DNAH3: variants seen among roughly 807,000 people sequenced by gnomAD.
The protein encoded by DNAH3 is axonemal beta dynein heavy chain 3.
In DNAH3, 332 loss-of-function variants were observed where a neutral mutation model predicts 432.5. The observed-to-expected ratio is 0.77, with a 90% CI of 0.70 to 0.84. The LOEUF (loss-of-function observed/expected upper bound fraction) is 0.84. DNAH3 is among the 40% of genes least tolerant of loss of function. The probability of loss-of-function intolerance (pLI) is 0.00; values close to 1 mark genes in which losing one functional copy is unlikely to be tolerated. For missense variants in DNAH3, 4,861 were observed against 5,114.0 expected (o/e 0.95, Z 1.51); for synonymous variants, 1,956 against 1,900.2 (o/e 1.03, Z -0.76).
At chr16:20,939,654 T>A (rs549013267) in intron 59 of DNAH3, among the ~76,000 whole-genome samples, 1 of 148,316 alleles carries the variant, frequency 6.7e-6, no homozygotes, top group East Asian at 2.0e-4. Flanking sequence ...TCAGGAAGCC[T>A]AACAACTCTC....
intron 35 of DNAH3, among the ~76,000 whole-genome samples, chr16:21,036,260 A>C (rs1432655361): frequency 6.6e-6 from 1 of 152,184 alleles, no homozygotes; most frequent in African/African-American, 2.4e-5. Context: ...TGGGAGGCAG[A>C]GGTTGCAGTG....
chr16:21,079,361 C>T (rs1597328882), intron 20 of DNAH3, among the ~76,000 whole-genome samples: 1 of 152,170 alleles, frequency 6.6e-6, no homozygotes, highest in Admixed American at 6.5e-5. Context: ...TGGTGGCTCA[C>T]GCCTGTAATC....
At chr16:21,026,049 G>C (rs1383000014) in intron 38 of DNAH3, among the ~76,000 whole-genome samples, 1 of 151,934 alleles carries the variant, frequency 6.6e-6, no homozygotes, top group Non-Finnish European at 1.5e-5. Flanking sequence ...CCAATAACTC[G>C]ATTAACAGGC....
intron 31 of DNAH3, among the ~76,000 whole-genome samples, chr16:21,048,220 G>A (rs2152740771): frequency 6.6e-6 from 1 of 152,358 alleles, no homozygotes; most frequent in South Asian, 2.1e-4. Flanking sequence ...CGAGCTTCCA[G>A]GCTGCTTTGT....
chr16:21,125,050 T>G, intron 9 of DNAH3, 125 bp downstream of exon 10: 1 of 696,330 alleles, frequency 1.4e-6, no homozygotes, highest in Non-Finnish European at 2.3e-6. Flanking sequence ...CTGATGTGGG[T>G]GGAAGTCAAG....
At chr16:21,022,124 A>G in intron 39 of DNAH3, 24 bp from the exon 40 acceptor site, 1 of 1,612,920 alleles carries the variant, frequency 6.2e-7, no homozygotes. Context: ...CCTCCATGAG[A>G]CTTGGAGACA....
chr16:21,048,370 A>C (rs1373633535), intron 31 of DNAH3, among the ~76,000 whole-genome samples: 3 of 152,106 alleles, frequency 2.0e-5, no homozygotes, highest in African/African-American at 4.8e-5. Flanking sequence ...GCAGGATATA[A>C]TCTCGTGGTG....
intron 44 of DNAH3, among the ~76,000 whole-genome samples, chr16:20,989,976 T>G (rs1330915537): frequency 6.6e-6 from 1 of 152,202 alleles, no homozygotes; most frequent in Non-Finnish European, 1.5e-5. Context: ...GAACTCCAGC[T>G]GGCCTGCAAG....
In DNAH3 at chr16:21,001,442, T is replaced by C. The variant is rs188859089; in HGVS notation, c.6127-924A>G. Reference sequence around the variant, plus strand: ...AGAGTACCATTCACACCATGGATCATGTCAATGGTGCCTTCTAAAGCAAAA... The same window carrying C: ...AGAGTACCATTCACACCATGGATCACGTCAATGGTGCCTTCTAAAGCAAAA... On this transcript the variant is annotated intron_variant, in intron 42 of 61. Coordinates refer to ENST00000261383, the Ensembl canonical transcript of DNAH3. Among the ~76,000 whole-genome samples the C allele has an allele frequency of 1.6e-3, 247 of 152,296 alleles. No homozygotes were observed. The Middle Eastern group carries it at 0.024, about 15-fold the overall frequency.
At chr16:20,957,904 T>C (rs1211930774) in intron 54 of DNAH3, among the ~76,000 whole-genome samples, 1 of 143,436 alleles carries the variant, frequency 7.0e-6, no homozygotes, top group Non-Finnish European at 1.5e-5. Context: ...TTGGTTCAAC[T>C]CATTATTTTA....
chr16:20,987,186 C>T (rs1036104079), intron 47 of DNAH3, 119 bp downstream of exon 47: 8 of 1,262,588 alleles, frequency 6.3e-6, no homozygotes, highest in Admixed American at 2.3e-5. Context: ...TACTGTTTCC[C>T]GAGATTCAGA....
At chr16:21,081,792 G>A in intron 19 of DNAH3, 65 bp from the exon 20 acceptor site, 1 of 1,354,240 alleles carries the variant, frequency 7.4e-7, no homozygotes, top group South Asian at 1.2e-5. Flanking sequence ...AGAACCTTCT[G>A]TGATGATGGA....
intron 38 of DNAH3, among the ~76,000 whole-genome samples, chr16:21,026,211 A>G: frequency 6.6e-6 from 1 of 152,188 alleles, no homozygotes. Flanking sequence ...TTTAGGAGAT[A>G]ATATCAAACT....
intron 49 of DNAH3, among the ~76,000 whole-genome samples, chr16:20,980,020 G>A (rs1001914216): frequency 1.3e-5 from 2 of 151,882 alleles, no homozygotes; most frequent in Admixed American, 6.6e-5. Context: ...AAAGTGCTGG[G>A]ATTACAGGCA....
chr16:20,971,385 TGAG>T (rs560762509), intron 51 of DNAH3, among the ~76,000 whole-genome samples: 12 of 151,994 alleles, frequency 7.9e-5, no homozygotes, highest in Admixed American at 2.0e-4. Context: ...TCTGGGAGTG[TGAG>T]GAGATTAGAG....
At chr16:21,083,940 C>T (rs1023884210) in intron 19 of DNAH3, among the ~76,000 whole-genome samples, 1 of 152,160 alleles carries the variant, frequency 6.6e-6, no homozygotes, top group Non-Finnish European at 1.5e-5. Flanking sequence ...TTTAGGGGCT[C>T]ACTCCTTGGG....
chr16:21,062,239 G>A (rs1294335443), intron 25 of DNAH3, among the ~76,000 whole-genome samples: 1 of 152,156 alleles, frequency 6.6e-6, no homozygotes, highest in Non-Finnish European at 1.5e-5. Flanking sequence ...TCCACATCGA[G>A]TTGGGTTAAA....
At chr16:21,060,351 C>G (rs942177355) in exon 26 of DNAH3, 3 of 1,613,690 alleles carry the variant, frequency 1.9e-6, no homozygotes, top group Non-Finnish European at 8.5e-7. Context: ...ACTTTTCCAC[C>G]ATGCCCTATG....
chr16:20,974,514 C>T (rs1302454694), intron 51 of DNAH3, among the ~76,000 whole-genome samples: 1 of 151,690 alleles, frequency 6.6e-6, no homozygotes. Context: ...AGCAATCCTC[C>T]CACATCAGCC....
Sources: gnomAD v4.1 joint callset for allele counts (sites outside exome capture counted in the v4.1 genomes callset) on GRCh38, gnomAD v4.1.1 for gene constraint, MANE v1.5 for transcripts, NCBI Gene and HGNC (gene_info 2026-07-23, HGNC 2026-07-21) for gene names.